The following AHI1 variants were observed in gnomAD, a reference collection of about 807,000 sequenced individuals.
AHI1 encodes the protein Abelson helper integration site 1, also known as jouberin.
A neutral mutation model predicts 149.3 loss-of-function variants in AHI1; 123 were observed. The observed-to-expected ratio is 0.82, with a 90% confidence interval of 0.71 to 0.96. The LOEUF is 0.96. AHI1 is among the 40% of genes least tolerant of loss of function. The pLI, the probability that AHI1 is intolerant of heterozygous loss-of-function variation, is 0.00. For missense variants in AHI1, 1,439 were observed against 1,422.7 expected (o/e 1.01, Z -0.18); for synonymous variants, 475 against 459.8 (o/e 1.03, Z -0.42).
intron 25 of AHI1, among the ~76,000 whole-genome samples, chr6:135,321,340 G>A (rs1349940653): frequency 6.6e-6 from 1 of 152,192 alleles, no homozygotes; most frequent in African/African-American, 2.4e-5. Flanking sequence ...CAGCTACACA[G>A]AAGACATTAA....
chr6:135,338,952 G>T (rs1205152312), intron 24 of AHI1, among the ~76,000 whole-genome samples: 2 of 146,840 alleles, frequency 1.4e-5, no homozygotes, highest in African/African-American at 5.1e-5. Flanking sequence ...TTGAGACCCA[G>T]AGTCTCACTC....
intron 10 of AHI1, among the ~76,000 whole-genome samples, chr6:135,454,693 G>A (rs561936696): frequency 1.3e-5 from 2 of 152,240 alleles, no homozygotes; most frequent in African/African-American, 4.8e-5. Context: ...AACCAAAAGC[G>A]TTTATAATAC....
At chr6:135,319,556 T>C (rs1262149815) in intron 25 of AHI1, among the ~76,000 whole-genome samples, 1 of 152,250 alleles carries the variant, frequency 6.6e-6, no homozygotes, top group Non-Finnish European at 1.5e-5. Flanking sequence ...ATTGAATCTA[T>C]ATACAGTGTT....
chr6:135,380,017 T>C (rs1027732864), intron 23 of AHI1, among the ~76,000 whole-genome samples: 6 of 121,792 alleles, frequency 4.9e-5, no homozygotes, highest in African/African-American at 1.9e-4. Flanking sequence ...TCCTCCCTCC[T>C]TCCTTCCTTC....
At chr6:135,300,392 TTTAAC>T in intron 27 of AHI1, 103 bp downstream of exon 27, 1 of 1,183,036 alleles carries the variant, frequency 8.5e-7, no homozygotes, top group Non-Finnish European at 1.1e-6. Context: ...CTATCTGAAA[TTTAAC>T]TTATAGTTTG....
chr6:135,415,418 A>C (rs1782225834), intron 20 of AHI1, among the ~76,000 whole-genome samples: 1 of 152,160 alleles, frequency 6.6e-6, no homozygotes, highest in Non-Finnish European at 1.5e-5. Flanking sequence ...GAACTAGTTT[A>C]CAGTCCCACC....
At chr6:135,422,943 G>A (rs1442806634) in intron 20 of AHI1, among the ~76,000 whole-genome samples, 1 of 152,048 alleles carries the variant, frequency 6.6e-6, no homozygotes, top group East Asian at 1.9e-4. Context: ...TCATGATCAG[G>A]AAATGCAAAG....
chr6:135,349,186 C>T (rs1791697213), intron 24 of AHI1, among the ~76,000 whole-genome samples: 1 of 152,130 alleles, frequency 6.6e-6, no homozygotes, highest in African/African-American at 2.4e-5. Context: ...TGGGTTCTTG[C>T]TATGTTGTCC....
intron 20 of AHI1, among the ~76,000 whole-genome samples, chr6:135,420,472 G>A (rs1265484866): frequency 6.6e-6 from 1 of 152,122 alleles, no homozygotes; most frequent in African/African-American, 2.4e-5. Context: ...GTGGTTTACT[G>A]TAGCCACCTT....
At chr6:135,313,311 G>C (rs1351883200) in intron 26 of AHI1, among the ~76,000 whole-genome samples, 2 of 152,152 alleles carry the variant, frequency 1.3e-5, no homozygotes, top group African/African-American at 4.8e-5. Flanking sequence ...GATTCAGATA[G>C]AGAAGATCAA....
At chr6:135,451,519 G>T (rs1377149156) in intron 11 of AHI1, among the ~76,000 whole-genome samples, 1 of 152,086 alleles carries the variant, frequency 6.6e-6, no homozygotes, top group Non-Finnish European at 1.5e-5. Flanking sequence ...GAAGTCATTG[G>T]TGACTCTAAA....
Position 135,292,109 on chromosome 6 carries a change from T to TACACACAC in AHI1, c.3486-1592_3486-1585dup, listed in dbSNP as rs10646107. ...ATATGTAAATATCTGGGCAGCTAAT[T>TACACACAC]ACACACACACACACACACACACACA... On this transcript the variant is annotated intron_variant, in intron 27 of 28. Coordinates refer to ENST00000265602, the MANE Select transcript of AHI1 (RefSeq NM_001134831.2). 7.9e-3 allele frequency among the ~76,000 whole-genome samples: 1,177 copies of TACACACAC among 148,320 alleles called. 12 individuals are homozygous for TACACACAC. The highest frequency in any genetic ancestry group is 0.026 in the African/African-American group (1,064 of 40,710).
At chr6:135,377,845 A>T (rs961711327) in intron 23 of AHI1, among the ~76,000 whole-genome samples, 1 of 152,112 alleles carries the variant, frequency 6.6e-6, no homozygotes, top group African/African-American at 2.4e-5. Flanking sequence ...ACTCCTTCTC[A>T]ACTCTGGATT....
intron 24 of AHI1, among the ~76,000 whole-genome samples, chr6:135,340,999 A>C (rs1033728881): frequency 4.6e-5 from 7 of 151,826 alleles, no homozygotes; most frequent in Non-Finnish European, 8.8e-5. Context: ...ATAGTAAAAA[A>C]ATACTAATTT....
chr6:135,287,236 G>A (rs947497219), intron 28 of AHI1, among the ~76,000 whole-genome samples: 7 of 152,182 alleles, frequency 4.6e-5, no homozygotes, highest in Non-Finnish European at 7.3e-5. Flanking sequence ...ACTGCACTGT[G>A]AGAAGTAAAC....
At chr6:135,409,208 G>T (rs947618944) in intron 21 of AHI1, among the ~76,000 whole-genome samples, 4 of 152,030 alleles carry the variant, frequency 2.6e-5, no homozygotes, top group African/African-American at 9.7e-5. Context: ...TCCCCAGGCT[G>T]GTGTTTGTTG....
chr6:135,359,150 T>G (rs1793457254), intron 23 of AHI1, among the ~76,000 whole-genome samples: 1 of 152,216 alleles, frequency 6.6e-6, no homozygotes, highest in African/African-American at 2.4e-5. Context: ...AACAATCACT[T>G]TTTATCGCTT....
At chr6:135,387,535 G>T (rs1322994293) in intron 23 of AHI1, among the ~76,000 whole-genome samples, 1 of 152,176 alleles carries the variant, frequency 6.6e-6, no homozygotes, top group Non-Finnish European at 1.5e-5. Flanking sequence ...AAAGTTAAGT[G>T]TTCTAGTGGA....
At chr6:135,467,180 C>G (rs1005017079) in intron 6 of AHI1, among the ~76,000 whole-genome samples, 10 of 152,018 alleles carry the variant, frequency 6.6e-5, no homozygotes, top group African/African-American at 2.4e-4. Flanking sequence ...ACTGCAGAGG[C>G]AGACCATGTT....
Sources: gnomAD v4.1 joint callset for allele counts (sites outside exome capture counted in the v4.1 genomes callset) on GRCh38, gnomAD v4.1.1 for gene constraint, MANE v1.5 for transcripts, NCBI Gene and HGNC (gene_info 2026-07-23, HGNC 2026-07-21) for gene names.